GRTP1: variants seen among roughly 807,000 people sequenced by gnomAD.
GRTP1 encodes growth hormone-regulated TBC protein 1.
In GRTP1, 56 loss-of-function variants were observed where a neutral mutation model predicts 38.1. The observed-to-expected ratio is 1.47, with a 90% CI of 1.19 to 1.84. The LOEUF (loss-of-function observed/expected upper bound fraction) is 1.84. Ranked by LOEUF, GRTP1 falls within the 40% of genes most tolerant of loss-of-function variation. GRTP1 has a pLI of 0.00. For synonymous variants in GRTP1, 217 were observed against 189.5 expected (o/e 1.14, Z -1.19); for missense variants, 506 against 453.9 (o/e 1.11, Z -1.04).
chr13:113,333,702 G>C (rs2042908336), intron 5 of GRTP1, among the ~76,000 whole-genome samples: 1 of 151,428 alleles, frequency 6.6e-6, no homozygotes, highest in South Asian at 2.1e-4. Context: ...ATGGGGTTTT[G>C]CCATGTTGTC....
At position 113,361,059 on chromosome 13, in the gene GRTP1, G is replaced by A. The variant is rs147879411; in HGVS notation, c.181+2703C>T. Among the ~76,000 whole-genome samples, 1,290 of 144,864 alleles carry A rather than the reference G, an allele frequency of 8.9e-3. 19 individuals carry two copies. The highest frequency in any genetic ancestry group is 0.032 in the African/African-American group (1,237 of 38,898). On this transcript the variant is annotated intron_variant, in intron 2 of 7. Transcript: ENST00000375431. Reference sequence around the variant, plus strand: ...TGGGAGGCAGAGGTTGCAGTGAGCCGAGATTGCGCCACTACCCTCCAGCCA... The same window carrying A: ...TGGGAGGCAGAGGTTGCAGTGAGCCAAGATTGCGCCACTACCCTCCAGCCA...
chr13:113,329,271 G>A (rs1355206861), intron 5 of GRTP1, among the ~76,000 whole-genome samples: 2 of 152,170 alleles, frequency 1.3e-5, no homozygotes, highest in Non-Finnish European at 2.9e-5. Context: ...GAGACATTGG[G>A]AGAGAGCTTA....
intron 5 of GRTP1, among the ~76,000 whole-genome samples, chr13:113,326,498 C>A (rs956640110): frequency 6.6e-6 from 1 of 151,782 alleles, no homozygotes; most frequent in Non-Finnish European, 1.5e-5. Flanking sequence ...GGCTGAAACC[C>A]CGTCTCTACT....
At chr13:113,324,854 TCTCA>T (rs1352726496) in intron 7 of GRTP1, 10 of 1,103,512 alleles carry the variant, frequency 9.1e-6, no homozygotes, top group South Asian at 2.5e-5. Context: ...TGAGACAGAG[TCTCA>T]CTCTGTTGCC....
At chr13:113,347,451 C>CCTGGGAGGACCTCTGTGG (rs2043171894) in intron 4 of GRTP1, among the ~76,000 whole-genome samples, 1 of 106,044 alleles carries the variant, frequency 9.4e-6, no homozygotes, top group African/African-American at 4.6e-5. Flanking sequence ...TGAGAGCAGA[C>CCTGGGAGGACCTCTGTGG]CCAGGAGGAT....
At chr13:113,336,408 C>T (rs1294946026) in intron 5 of GRTP1, among the ~76,000 whole-genome samples, 1 of 151,978 alleles carries the variant, frequency 6.6e-6, no homozygotes, top group South Asian at 2.1e-4. Context: ...GTCCCAAGTC[C>T]TCCTCTGAAA....
chr13:113,345,869 A>G (rs549387710), intron 4 of GRTP1, among the ~76,000 whole-genome samples: 1 of 152,318 alleles, frequency 6.6e-6, no homozygotes, highest in East Asian at 1.9e-4. Flanking sequence ...TGCAGAGAAG[A>G]TCATGTTCCA....
intron 5 of GRTP1, among the ~76,000 whole-genome samples, chr13:113,336,592 G>C (rs1307043130): frequency 7.4e-6 from 1 of 135,376 alleles, no homozygotes; most frequent in Non-Finnish European, 1.6e-5. Flanking sequence ...CACCCGCTGG[G>C]GTGGCCCTGC....
At chr13:113,354,927 A>G (rs962520313) in intron 3 of GRTP1, among the ~76,000 whole-genome samples, 2 of 152,200 alleles carry the variant, frequency 1.3e-5, no homozygotes, top group Non-Finnish European at 2.9e-5. Context: ...GAGTCCAGCA[A>G]TTATGATAAC....
chr13:113,324,368 A>C lies in GRTP1; in HGVS notation c.*120T>G. ...GCTCTTTTAAAAAATTCACAACTAA[A>C]GTGTAGTGATGTCAAGTATTTACAA... is the stretch of plus-strand genomic sequence containing the variant. On this transcript the variant is annotated 3_prime_UTR_variant, in exon 8 of 8. Transcript: ENST00000375431. 1.5e-6 allele frequency: 2 copies of C among 1,331,628 alleles called. No individual in the cohort carries two copies. 82.5% of individuals were successfully genotyped at this position (1,331,628 alleles called of 1,614,324 possible).
chr13:113,342,055 G>A lies in GRTP1; in HGVS notation c.562+2808C>T, dbSNP rs979823940. ...CAGCCTCCCTCAAGCTGATTCTTGTGCCTCAGCCTCCTAAGTAGCTGGGAT... is the reference window on the plus strand; with the variant it reads ...CAGCCTCCCTCAAGCTGATTCTTGTACCTCAGCCTCCTAAGTAGCTGGGAT... On this transcript the variant is annotated intron_variant, in intron 5 of 7. Coordinates refer to ENST00000375431, the MANE Select transcript of GRTP1 (RefSeq NM_024719.4). This position sits in a 1 kb window ranked among gnomAD's most constrained non-coding sequence, Gnocchi z 4.5. Among the ~76,000 whole-genome samples, 1 of 151,982 alleles carries A rather than the reference G, an allele frequency of 6.6e-6. No individual in the cohort carries two copies. Among genetic ancestry groups the A allele is most frequent in the Admixed American group, 6.6e-5 (1 of 15,260 alleles).
intron 2 of GRTP1, chr13:113,361,574 C>CA (rs1236374040): frequency 1.3e-5 from 2 of 152,286 alleles, no homozygotes; most frequent in Middle Eastern, 3.4e-3. Flanking sequence ...CCGCTGTAAC[C>CA]AACCTCCAGG....
chr13:113,359,680 G>A (rs2043459174), intron 2 of GRTP1: 1 of 152,174 alleles, frequency 6.6e-6, no homozygotes, highest in South Asian at 2.1e-4. Flanking sequence ...GCAGGCTCCA[G>A]ACCCTGAGCG....
rs1019938111 is a variant in GRTP1 at position 113,325,683 on chromosome 13, A to G, written c.899T>C (p.Met300Thr). The change falls in exon 7 of 8, where the codon ATG becomes ACG. Residue 300 changes from methionine to threonine, a missense_variant. Coordinates refer to ENST00000375431, the MANE Select transcript of GRTP1 (RefSeq NM_024719.4). ...CACCTGCATAAACGTGTGACACTCC[A>G]TCACGAAACTCCCTTTGGTTATCTG... Reference protein sequence around the residue: ...FKQITKGSFVMECHTFMQKIF... With the variant: ...FKQITKGSFVTECHTFMQKIF... 2 of 1,614,202 alleles carry G rather than the reference A, an allele frequency of 1.2e-6. No individual in the cohort carries two copies. The highest frequency in any genetic ancestry group is 8.5e-7 in the Non-Finnish European group (1 of 1,180,028).
Position 113,324,346 on chromosome 13 carries a change from C to T in GRTP1, c.*142G>A. The T allele has an allele frequency of 2.4e-6, 3 of 1,265,962 alleles. No homozygotes were observed. The highest frequency in any genetic ancestry group is 3.1e-6 in the Non-Finnish European group (3 of 981,732). The allele number at this position is 1,265,962 out of a possible 1,614,324, so 78.4% of individuals were successfully genotyped here. ...TAGAATGACCTGATTTTAAACTGCT[C>T]TTTTAAAAAATTCACAACTAAAGTG... On this transcript the variant is annotated 3_prime_UTR_variant, in exon 8 of 8. Coordinates refer to ENST00000375431, the MANE Select transcript of GRTP1 (RefSeq NM_024719.4).
In GRTP1 at chr13:113,330,702, GCA is replaced by G. The variant is rs1419641875; in HGVS notation, c.563-4613_563-4612del. Among the ~76,000 whole-genome samples the G allele has an allele frequency of 2.6e-4, 29 of 113,220 alleles. 4 individuals carry two copies. Among genetic ancestry groups the G allele is most frequent in the Admixed American group, 5.4e-4 (6 of 11,086 alleles). 74.3% of individuals were successfully genotyped at this position (113,220 alleles called of 152,430 possible). A position where few individuals can be genotyped will look rare whatever the true frequency, so the allele number is the denominator to read the frequency against. ...TGTGTGCATGGGAGCCCAGGTGTGT[GCA>G]TGGAAACCCGGGTGTGTGCATGGAA... is the stretch of plus-strand genomic sequence containing the variant. On this transcript the variant is annotated intron_variant, in intron 5 of 7. Coordinates refer to ENST00000375431, the MANE Select transcript of GRTP1 (RefSeq NM_024719.4).
At chr13:113,347,480 A>G (rs1187262426) in intron 4 of GRTP1, among the ~76,000 whole-genome samples, 1 of 58,508 alleles carries the variant, frequency 1.7e-5, no homozygotes, top group South Asian at 6.6e-4. Context: ...CCGAGAGCAG[A>G]CCTGGGAGGA....
Position 113,343,952 on chromosome 13 carries a change from G to A in GRTP1, c.562+911C>T, listed in dbSNP as rs1284781148. Among the ~76,000 whole-genome samples the A allele has an allele frequency of 4.6e-5, 7 of 152,176 alleles. No individual in the cohort carries two copies. The highest frequency in any genetic ancestry group is 8.8e-5 in the Non-Finnish European group (6 of 68,038). On this transcript the variant is annotated intron_variant, in intron 5 of 7. Transcript: ENST00000375431. This position sits in a 1 kb window ranked among gnomAD's most constrained non-coding sequence, Gnocchi z 4.8. ...AAGTGACTTGAGCCTGCAGCTCATC[G>A]TCTGCACTGGCCTTCACCATAACCC...
intron 2 of GRTP1, chr13:113,359,656 C>T (rs1010533691): frequency 2.0e-5 from 3 of 152,214 alleles, no homozygotes; most frequent in Non-Finnish European, 4.4e-5. Context: ...AGACACTCTG[C>T]TCCGCTATGA....
Sources: gnomAD v4.1 joint callset for allele counts (sites outside exome capture counted in the v4.1 genomes callset) on GRCh38, gnomAD v4.1.1 for gene constraint, Gnocchi (gnomAD v3.1) non-coding constraint, MANE v1.5 for transcripts, NCBI Gene and HGNC (gene_info 2026-07-23, HGNC 2026-07-21) for gene names.